The following IL23R variants were observed in gnomAD, a reference collection of about 807,000 sequenced individuals.
IL23R encodes interleukin 23 receptor, also known as interleukin-23 receptor.
IL23R carries 34 observed loss-of-function variants against 56.9 expected under a neutral mutation model. The ratio of observed to expected loss-of-function variants is 0.60; its 90% confidence interval spans 0.45 to 0.80. IL23R has a LOEUF of 0.80. Ranked by LOEUF, IL23R falls within the 30% of genes least tolerant of loss-of-function variation. The pLI is 0.00. For missense variants in IL23R, 635 were observed against 730.0 expected (o/e 0.87, Z 1.50); for synonymous variants, 230 against 249.2 (o/e 0.92, Z 0.73).
chr1:67,155,933 T>C (rs972530773), intron 1 of IL23R, among the ~76,000 whole-genome samples: 6 of 152,238 alleles, frequency 3.9e-5, no homozygotes, highest in Non-Finnish European at 7.3e-5. Context: ...TGGATTTATC[T>C]ACCTTTCATC....
At chr1:67,231,233 C>G (rs576139875) in intron 7 of IL23R, among the ~76,000 whole-genome samples, 1 of 152,258 alleles carries the variant, frequency 6.6e-6, no homozygotes, top group Non-Finnish European at 1.5e-5. Context: ...TGTCTATACC[C>G]TTTGGCTCAG....
At chr1:67,205,072 C>T (rs12564022) in intron 5 of IL23R, among the ~76,000 whole-genome samples, 46,902 of 152,040 alleles carry the variant, frequency 0.31, 7,724 homozygotes, top group East Asian at 0.58. Flanking sequence ...TGAGCCACTG[C>T]GTCCAGCCTG....
chr1:67,264,634 A>G (rs550723821), downstream of IL23R, among the ~76,000 whole-genome samples: 1 of 152,348 alleles, frequency 6.6e-6, no homozygotes, highest in East Asian at 1.9e-4. Context: ...GTTTGACAGA[A>G]TGTTATTATG....
chr1:67,222,103 T>C (rs1694438), intron 7 of IL23R, among the ~76,000 whole-genome samples: 1 of 13,154 alleles, frequency 7.6e-5, no homozygotes, highest in Non-Finnish European at 2.2e-4. Context: ...TCTTTCTTTC[T>C]TTTTTTTTTT....
In IL23R at chr1:67,182,819, G is replaced by A. The variant is rs764343354; in HGVS notation, c.368-17G>A. The A allele has an allele frequency of 4.3e-6, 7 of 1,613,694 alleles. No individual in the cohort carries two copies. The East Asian group carries it at 1.6e-4, about 36-fold the overall frequency. On this transcript the variant is annotated splice_polypyrimidine_tract_variant and intron_variant, in intron 3 of 10. Transcript: ENST00000347310. ...GTATTTCTTACAGCACCTCCTAAGTGTTATGTTTTGTTGCAGATCCGCCAG... is the reference window on the plus strand; with the variant it reads ...GTATTTCTTACAGCACCTCCTAAGTATTATGTTTTGTTGCAGATCCGCCAG...
intron 1 of IL23R, among the ~76,000 whole-genome samples, chr1:67,149,210 C>T (rs554338970): frequency 7.2e-5 from 11 of 152,148 alleles, no homozygotes; most frequent in Non-Finnish European, 1.3e-4. Context: ...GAGCTCTTCT[C>T]AGCATTTTGT....
chr1:67,218,972 T>C (rs564940143), intron 6 of IL23R, among the ~76,000 whole-genome samples: 5 of 150,966 alleles, frequency 3.3e-5, no homozygotes, highest in African/African-American at 9.7e-5. Flanking sequence ...CACACACACA[T>C]ATAAATAAAT....
At chr1:67,246,825 G>T (rs1652257142) in intron 9 of IL23R, among the ~76,000 whole-genome samples, 1 of 152,106 alleles carries the variant, frequency 6.6e-6, no homozygotes, top group Non-Finnish European at 1.5e-5. Context: ...ATGTCTATAG[G>T]TCCCACTTGG....
chr1:67,227,965 T>C (rs1342525926), intron 7 of IL23R, among the ~76,000 whole-genome samples: 8 of 60,426 alleles, frequency 1.3e-4, no homozygotes, highest in South Asian at 4.9e-4. Context: ...TTTCTTTCTT[T>C]CTTTCTTTCT....
chr1:67,163,372 G>A (rs1486455771), upstream of IL23R, among the ~76,000 whole-genome samples: 1 of 146,540 alleles, frequency 6.8e-6, no homozygotes, highest in Non-Finnish European at 1.5e-5. Flanking sequence ...GGGAGGCTGA[G>A]TCAGGAAGAT....
intron 3 of IL23R, 150 bp from the exon 4 acceptor site, chr1:67,182,686 C>A: frequency 1.2e-6 from 1 of 800,714 alleles, no homozygotes; most frequent in Non-Finnish European, 2.1e-6. Flanking sequence ...GAACCCGGTA[C>A]CTCAGTTGGA....
At chr1:67,230,083 G>A (rs1408685638) in intron 7 of IL23R, among the ~76,000 whole-genome samples, 3 of 152,190 alleles carry the variant, frequency 2.0e-5, no homozygotes, top group Non-Finnish European at 2.9e-5. Flanking sequence ...TGCAGCTGAC[G>A]CTGATCACTG....
At chr1:67,188,459 A>T (rs1050362929) in intron 4 of IL23R, among the ~76,000 whole-genome samples, 6 of 152,216 alleles carry the variant, frequency 3.9e-5, no homozygotes, top group Non-Finnish European at 7.3e-5. Flanking sequence ...GTAATCTTAG[A>T]AGAGTTATTT....
At chr1:67,169,761 C>T in intron 3 of IL23R, 123 bp downstream of exon 3, 1 of 938,888 alleles carries the variant, frequency 1.1e-6, no homozygotes, top group African/African-American at 1.6e-5. Context: ...TAGTTTCATA[C>T]AGGAGCTGCA....
intron 6 of IL23R, among the ~76,000 whole-genome samples, chr1:67,210,421 A>G (rs1301568645): frequency 6.6e-6 from 1 of 152,148 alleles, no homozygotes; most frequent in Non-Finnish European, 1.5e-5. Context: ...CCAAATAATT[A>G]AGAAATAGTT....
intron 7 of IL23R, among the ~76,000 whole-genome samples, chr1:67,229,684 C>T (rs187460890): frequency 4.6e-5 from 7 of 152,256 alleles, no homozygotes; most frequent in African/African-American, 7.2e-5. Flanking sequence ...ACAAAATGAC[C>T]GTTACCACTT....
intron 4 of IL23R, 77 bp from the exon 5 acceptor site, chr1:67,200,660 C>T: frequency 2.1e-6 from 3 of 1,450,228 alleles, no homozygotes; most frequent in Non-Finnish European, 2.9e-6. Flanking sequence ...GCTAGGATTA[C>T]AGGTGTGAGC....
chr1:67,155,347 G>A (rs1366463921), intron 1 of IL23R, among the ~76,000 whole-genome samples: 1 of 152,140 alleles, frequency 6.6e-6, no homozygotes, highest in Non-Finnish European at 1.5e-5. Context: ...GTCTTGCTAG[G>A]TTGGGGAAGT....
chr1:67,216,956 G>A (rs74080197), intron 6 of IL23R, among the ~76,000 whole-genome samples: 7,976 of 152,190 alleles, frequency 0.052, 691 homozygotes, highest in African/African-American at 0.18. Context: ...GCAGAAAGGG[G>A]AGGAGGTTGT....
Sources: allele counts gnomAD v4.1 joint callset (sites outside exome capture counted in the v4.1 genomes callset), GRCh38; gene constraint gnomAD v4.1.1; transcripts MANE v1.5; gene names NCBI Gene and HGNC (gene_info 2026-07-23, HGNC 2026-07-21).